The following RANBP9 variants were observed in gnomAD, a reference collection of about 807,000 sequenced individuals.
RANBP9 encodes RAN binding protein 9, also known as ran-binding protein 9.
Under a neutral mutation model 84.3 loss-of-function variants are expected in RANBP9, and 15 were observed. That is an observed-to-expected ratio of 0.18 (90% CI 0.12 to 0.27). The LOEUF is 0.27. RANBP9 is among the 10% of genes least tolerant of loss of function. The pLI is 1.00. For missense variants in RANBP9, 809 were observed against 912.8 expected (o/e 0.89, Z 1.46); for synonymous variants, 392 against 349.6 (o/e 1.12, Z -1.35).
At position 13,644,637 on chromosome 6, in the gene RANBP9, G is replaced by A. The variant is rs1562302584; in HGVS notation, c.1020C>T (p.Asp340=). 6.2e-7 allele frequency: 1 copy of A among 1,613,382 alleles called. No homozygotes were observed. The highest frequency in any genetic ancestry group is 8.5e-7 in the Non-Finnish European group (1 of 1,179,696). ...TTTTGGTTCTCCACTCCCGCATATA[G>A]TCTTCTATATCAAACACGAAAGGAT... ...GQHPFVFDIE[D]YMREWRTKIQ... is the part of the protein sequence containing the mutation. The change falls in exon 6 of 14, where the codon GAC becomes GAT. Residue 340 remains aspartate, a synonymous_variant. Coordinates refer to ENST00000011619, the MANE Select transcript of RANBP9 (RefSeq NM_005493.3).
At chr6:13,646,490 C>CAT (rs1335492585) in intron 5 of RANBP9, among the ~76,000 whole-genome samples, 1 of 151,994 alleles carries the variant, frequency 6.6e-6, no homozygotes, top group Non-Finnish European at 1.5e-5. Context: ...AACACAAAAG[C>CAT]ATATAAGCCA....
At chr6:13,666,600 C>CAGAAAAAAAAA (rs1765653962) in intron 2 of RANBP9, among the ~76,000 whole-genome samples, 1 of 43,670 alleles carries the variant, frequency 2.3e-5, no homozygotes, top group Non-Finnish European at 4.3e-5. Flanking sequence ...CCCGTCTCTC[C>CAGAAAAAAAAA]AAAAAAAAAA....
chr6:13,648,653 T>A (rs968837410), intron 5 of RANBP9, among the ~76,000 whole-genome samples: 1 of 152,238 alleles, frequency 6.6e-6, no homozygotes, highest in Non-Finnish European at 1.5e-5. Flanking sequence ...AAAAGCTAAA[T>A]GTACACAATA....
At chr6:13,701,219 C>G (rs1328381954) in intron 1 of RANBP9, among the ~76,000 whole-genome samples, 1 of 152,140 alleles carries the variant, frequency 6.6e-6, no homozygotes, top group Non-Finnish European at 1.5e-5. Flanking sequence ...ATGACACTCT[C>G]AGTATCATAA....
chr6:13,705,265 G>A (rs1584951737), intron 1 of RANBP9, among the ~76,000 whole-genome samples: 5 of 151,868 alleles, frequency 3.3e-5, no homozygotes, highest in African/African-American at 1.2e-4. Flanking sequence ...TTAGCCAGGC[G>A]TGGTGGCAGG....
At chr6:13,636,451 C>A (rs1242098214) in intron 10 of RANBP9, among the ~76,000 whole-genome samples, 1 of 152,136 alleles carries the variant, frequency 6.6e-6, no homozygotes, top group African/African-American at 2.4e-5. Flanking sequence ...GTCATCAGAC[C>A]CTTCCGTTAA....
chr6:13,653,725 T>C lies in RANBP9; in HGVS notation c.905-1044A>G, dbSNP rs149814642. On this transcript the variant is annotated intron_variant, in intron 4 of 13. Transcript: ENST00000011619. ...AAAGACAAACTGAAAATAAATTTTA[T>C]ACTTTTAAAATAATGTGTAAAATTA... 3.8e-3 allele frequency among the ~76,000 whole-genome samples: 581 copies of C among 152,280 alleles called. 3 individuals carry two copies. Among genetic ancestry groups the C allele is most frequent in the African/African-American group, 0.014 (562 of 41,584 alleles).
At position 13,710,963 on chromosome 6, in the gene RANBP9, A is replaced by G. The variant is rs1007274714; in HGVS notation, c.543T>C (p.Ser181=). The G allele has an allele frequency of 6.2e-7, 1 of 1,609,652 alleles. No homozygotes were observed. The highest frequency in any genetic ancestry group is 1.3e-5 in the African/African-American group (1 of 74,722). The change falls in exon 1 of 14, where the codon TCT becomes TCC. Residue 181 remains serine, a synonymous_variant. Transcript: ENST00000011619. ...PKDKFSYIGL[S]QNNLRVHYKG... is the part of the protein sequence containing the mutation. Reference sequence around the variant, plus strand: ...TGTAGTGCACCCGCAGGTTGTTCTGAGAGAGGCCGATGTAGCTGAACTTGT... The same window carrying G: ...TGTAGTGCACCCGCAGGTTGTTCTGGGAGAGGCCGATGTAGCTGAACTTGT...
intron 2 of RANBP9, among the ~76,000 whole-genome samples, chr6:13,664,529 C>G (rs997207720): frequency 6.6e-6 from 1 of 151,930 alleles, no homozygotes; most frequent in Non-Finnish European, 1.5e-5. Context: ...TGTACATACA[C>G]AGCTTAATAG....
chr6:13,658,879 CAT>C, intron 2 of RANBP9, 47 bp from the exon 3 acceptor site: 1 of 1,485,256 alleles, frequency 6.7e-7, no homozygotes, highest in Non-Finnish European at 9.4e-7. Context: ...TTATTACAGT[CAT>C]ATATGTATAA....
At chr6:13,689,204 T>C (rs759478175) in intron 2 of RANBP9, among the ~76,000 whole-genome samples, 30 of 151,012 alleles carry the variant, frequency 2.0e-4, no homozygotes, top group Admixed American at 1.1e-3. Context: ...CTTCTACCTA[T>C]AGAGTATATT....
Position 13,622,185 on chromosome 6 carries a change from C to G in RANBP9, c.*177G>C. The stretch of plus-strand genomic sequence containing the variant: ...GGTTAAAGATGGAAAATAATTTCTC[C>G]TAACACTAAGTTAGAAAATCATTTG... On this transcript the variant is annotated 3_prime_UTR_variant, in exon 14 of 14. Transcript: ENST00000011619. 1 of 547,498 alleles carries G rather than the reference C, an allele frequency of 1.8e-6. No homozygotes were observed. The highest frequency in any genetic ancestry group is 8.7e-5 in the South Asian group (1 of 11,526). 33.9% of individuals were successfully genotyped at this position (547,498 alleles called of 1,614,324 possible).
At position 13,627,660 on chromosome 6, in the gene RANBP9, T is replaced by G. The variant is rs573832745; in HGVS notation, c.1948-1896A>C. Among the ~76,000 whole-genome samples, 4 of 144,452 alleles carry G rather than the reference T, an allele frequency of 2.8e-5. 1 individual carries two copies. In the South Asian group the frequency reaches 7.1e-4, roughly 26 times the overall value. 94.8% of individuals were successfully genotyped at this position (144,452 alleles called of 152,430 possible). A position where few individuals can be genotyped will look rare whatever the true frequency, so the allele number is the denominator to read the frequency against. ...AAAAAAAAAAAAAAAAAAAATCACG[T>G]TATTTTTAAGGACTGAGCTTTGCTC... On this transcript the variant is annotated intron_variant, in intron 12 of 13. Coordinates refer to ENST00000011619, the MANE Select transcript of RANBP9 (RefSeq NM_005493.3).
At chr6:13,625,811 T>C (rs1317390240) in intron 12 of RANBP9, 47 bp from the exon 13 acceptor site, 2 of 1,327,584 alleles carry the variant, frequency 1.5e-6, no homozygotes, top group Non-Finnish European at 1.1e-6. Flanking sequence ...AGTTCAACTA[T>C]TATGCTCACA....
chr6:13,703,635 G>A (rs1210302173), intron 1 of RANBP9, among the ~76,000 whole-genome samples: 1 of 152,182 alleles, frequency 6.6e-6, no homozygotes, highest in Non-Finnish European at 1.5e-5. Flanking sequence ...ATAGCAATTA[G>A]CCAGGCCAAT....
In RANBP9 at chr6:13,644,571, T is replaced by C; in HGVS notation, c.1086A>G (p.Glu362=). 6.2e-7 allele frequency: 1 copy of C among 1,612,960 alleles called. No homozygotes were observed. The highest frequency in any genetic ancestry group is 8.5e-7 in the Non-Finnish European group (1 of 1,179,562). ...QIDRFPIGDR[E]GEWQTMIQKM... Reference sequence around the variant, plus strand: ...TTTGTATCATGGTCTGCCATTCTCCTTCTCGATCTCCGATAGGAAATCGAT... The same window carrying C: ...TTTGTATCATGGTCTGCCATTCTCCCTCTCGATCTCCGATAGGAAATCGAT... The change falls in exon 6 of 14, where the codon GAA becomes GAG. Residue 362 remains glutamate (E), a synonymous_variant. Transcript: ENST00000011619.
intron 1 of RANBP9, among the ~76,000 whole-genome samples, chr6:13,706,678 G>GAGC (rs765405696): frequency 5.4e-5 from 8 of 148,246 alleles, no homozygotes; most frequent in Non-Finnish European, 1.0e-4. Context: ...GACAACAGCA[G>GAGC]AGCGAGACTC....
In RANBP9 at chr6:13,711,448, A is replaced by ACAG. The variant is rs1758282079; in HGVS notation, c.55_57dup (p.Leu19dup). 1 of 1,211,316 alleles carries ACAG rather than the reference A, an allele frequency of 8.3e-7. No homozygotes were observed. Among genetic ancestry groups the ACAG allele is most frequent in the African/African-American group, 1.6e-5 (1 of 62,946 alleles). 75.0% of individuals were successfully genotyped at this position (1,211,316 alleles called of 1,614,324 possible). A position where few individuals can be genotyped will look rare whatever the true frequency, so the allele number is the denominator to read the frequency against. On this transcript the variant is annotated inframe_insertion, in exon 1 of 14. Transcript: ENST00000011619. The stretch of plus-strand genomic sequence containing the variant: ...GCCAAGGCCGCCGGCGGTGGCGGCG[A>ACAG]CAGCTGCTGCTGCTGTTGCTGCTGC...
intron 2 of RANBP9, among the ~76,000 whole-genome samples, chr6:13,666,670 G>A (rs1765656914): frequency 6.7e-6 from 1 of 149,224 alleles, no homozygotes; most frequent in Non-Finnish European, 1.5e-5. Context: ...CAGCTACTCG[G>A]GAGGATCACT....
Sources: allele counts gnomAD v4.1 joint callset (sites outside exome capture counted in the v4.1 genomes callset), GRCh38; gene constraint gnomAD v4.1.1; transcripts MANE v1.5; gene names NCBI Gene and HGNC (gene_info 2026-07-23, HGNC 2026-07-21).